The following GRIK3 variants were observed in gnomAD, a reference collection of about 807,000 sequenced individuals.
GRIK3 encodes the protein glutamate ionotropic receptor kainate type subunit 3, also known as glutamate receptor ionotropic, kainate 3.
Under a neutral mutation model 102.5 loss-of-function variants are expected in GRIK3, and 29 were observed. The ratio of observed to expected loss-of-function variants is 0.28; its 90% CI spans 0.21 to 0.39. The LOEUF is 0.39. GRIK3 is among the 10% of genes least tolerant of loss of function. The pLI is 1.00. For missense variants in GRIK3, 908 were observed against 1,252.4 expected (o/e 0.73, Z 4.15); for synonymous variants, 511 against 504.9 (o/e 1.01, Z -0.16).
At chr1:36,878,855 A>T (rs1179692500) in intron 3 of GRIK3, among the ~76,000 whole-genome samples, 1 of 152,204 alleles carries the variant, frequency 6.6e-6, no homozygotes, top group African/African-American at 2.4e-5. Context: ...GAAATGAAAT[A>T]AGATCACACT....
At chr1:37,011,598 G>T (rs566394668) in intron 1 of GRIK3, among the ~76,000 whole-genome samples, 11 of 152,336 alleles carry the variant, frequency 7.2e-5, no homozygotes, top group Middle Eastern at 3.4e-3. Context: ...CCCAACACCT[G>T]CCTTTTATTA....
chr1:36,962,640 AAGAGAGAGAG>A (rs5773557), intron 1 of GRIK3, among the ~76,000 whole-genome samples: 15,035 of 145,016 alleles, frequency 0.1, 858 homozygotes, highest in African/African-American at 0.17. Context: ...GAGGGAGAGG[AAGAGAGAGAG>A]AGAGAGAGAG....
At chr1:36,811,397 G>A (rs984015493) in intron 13 of GRIK3, among the ~76,000 whole-genome samples, 12 of 152,162 alleles carry the variant, frequency 7.9e-5, no homozygotes, top group Admixed American at 1.3e-4. Flanking sequence ...CAGCTGCTGA[G>A]AATTGCTGCA....
chr1:36,908,310 T>C (rs1380183738), intron 1 of GRIK3, among the ~76,000 whole-genome samples: 1 of 152,224 alleles, frequency 6.6e-6, no homozygotes, highest in African/African-American at 2.4e-5. Context: ...TACTTTAGTG[T>C]TGCTGGAGAT....
At chr1:36,915,979 CAGA>C (rs1314110594) in intron 1 of GRIK3, among the ~76,000 whole-genome samples, 1 of 152,204 alleles carries the variant, frequency 6.6e-6, no homozygotes, top group African/African-American at 2.4e-5. Flanking sequence ...TTGGAGGGCT[CAGA>C]AGAAGACAGG....
intron 1 of GRIK3, among the ~76,000 whole-genome samples, chr1:37,027,754 G>T (rs1172770887): frequency 1.3e-5 from 2 of 152,258 alleles, no homozygotes; most frequent in East Asian, 3.9e-4. Flanking sequence ...TGTCACCTTT[G>T]TAGTGACTTT....
rs555020898 is a variant in GRIK3 at position 37,002,641 on chromosome 1, G to A, written c.115+31353C>T. ...TATGAAATCTGCTAGCCACTGGTTAGAAAGATGTTGCATTTATTTTCTTTC... is the reference window on the plus strand; with the variant it reads ...TATGAAATCTGCTAGCCACTGGTTAAAAAGATGTTGCATTTATTTTCTTTC... On this transcript the variant is annotated intron_variant, in intron 1 of 15. Transcript: ENST00000373091. Among the ~76,000 whole-genome samples the A allele has an allele frequency of 3.8e-4, 57 of 151,252 alleles. No homozygotes were observed. The South Asian group carries it at 0.012, about 31-fold the overall frequency.
At chr1:36,834,817 G>A (rs1408498492) in intron 10 of GRIK3, among the ~76,000 whole-genome samples, 2 of 152,120 alleles carry the variant, frequency 1.3e-5, no homozygotes, top group Admixed American at 6.5e-5. Context: ...CCAGTGCTCC[G>A]GGACTCCACG....
chr1:36,996,110 G>C (rs988358624), intron 1 of GRIK3, among the ~76,000 whole-genome samples: 2 of 152,186 alleles, frequency 1.3e-5, no homozygotes, highest in African/African-American at 4.8e-5. Context: ...GTCAGGCCAA[G>C]GTCAGAGAGA....
chr1:36,880,581 G>T lies in GRIK3; in HGVS notation c.550+53C>A. On this transcript the variant is annotated intron_variant, in intron 3 of 15. Transcript: ENST00000373091. This position sits in a 1 kb window ranked among gnomAD's most constrained non-coding sequence, Gnocchi z 5.4. ...CAAACAGACAAGAGCTTGATCCTGGGCCTCTGCCCCCCTCAACCGTTGCCC... is the reference window on the plus strand; with the variant it reads ...CAAACAGACAAGAGCTTGATCCTGGTCCTCTGCCCCCCTCAACCGTTGCCC... The T allele has an allele frequency of 1.3e-6, 2 of 1,562,184 alleles. No homozygotes were observed. Among genetic ancestry groups the T allele is most frequent in the South Asian group, 2.3e-5 (2 of 88,288 alleles).
rs538707054 is a variant in GRIK3, at chr1:36,922,535, T to G, written c.116-31439A>C. On this transcript the variant is annotated intron_variant, in intron 1 of 15. Transcript: ENST00000373091. ...TCCCCTCAGGACTCGTGGTTACATATGCAGAATATCACCCTTCACTCCCCC... is the reference window on the plus strand; with the variant it reads ...TCCCCTCAGGACTCGTGGTTACATAGGCAGAATATCACCCTTCACTCCCCC... Among the ~76,000 whole-genome samples the G allele has an allele frequency of 1.5e-4, 23 of 152,328 alleles. No homozygotes were observed. The South Asian group carries it at 4.6e-3, about 30-fold the overall frequency.
At chr1:36,809,484 G>A (rs1056087876) in intron 13 of GRIK3, among the ~76,000 whole-genome samples, 3 of 151,630 alleles carry the variant, frequency 2.0e-5, no homozygotes, top group South Asian at 2.1e-4. Context: ...CACCCTCTCA[G>A]TCATCCATCC....
chr1:36,846,385 G>A (rs1020026488), intron 9 of GRIK3, among the ~76,000 whole-genome samples: 1 of 152,200 alleles, frequency 6.6e-6, no homozygotes, highest in Admixed American at 6.5e-5. Flanking sequence ...ATAGCAGGTA[G>A]GTTTGGTGGC....
chr1:36,948,372 G>A (rs753251510), intron 1 of GRIK3, among the ~76,000 whole-genome samples: 8 of 152,202 alleles, frequency 5.3e-5, no homozygotes, highest in East Asian at 3.9e-4. Flanking sequence ...CACCTCCTGT[G>A]TGCTGATCTG....
intron 4 of GRIK3, among the ~76,000 whole-genome samples, chr1:36,870,976 G>C (rs1429694612): frequency 6.6e-6 from 1 of 152,182 alleles, no homozygotes; most frequent in Non-Finnish European, 1.5e-5. Flanking sequence ...CGGGAGGCTA[G>C]GGGTTATAGG....
rs558472793 is a variant in GRIK3 at position 36,817,192 on chromosome 1, G to A, written c.1959C>T (p.Tyr653=). The part of the protein sequence containing the change: ...WFFTLIIISS[Y]TANLAAFLTV... The stretch of plus-strand genomic sequence containing the variant: ...TCAGAAAGGCAGCCAGGTTGGCCGT[G>A]TAGGAAGAGATGATGATGAGCGTGA... Residue 653 remains tyrosine, a synonymous_variant, in exon 13 of 16, where the codon TAC becomes TAT. Transcript: ENST00000373091. 2 of 1,613,864 alleles carry A rather than the reference G, an allele frequency of 1.2e-6. No individual in the cohort carries two copies. Among genetic ancestry groups the A allele is most frequent in the South Asian group, 1.1e-5 (1 of 91,072 alleles).
chr1:36,829,405 T>A (rs1642790780), intron 10 of GRIK3, among the ~76,000 whole-genome samples: 1 of 151,674 alleles, frequency 6.6e-6, no homozygotes, highest in African/African-American at 2.4e-5. Flanking sequence ...TTTTATTGTT[T>A]TTTGTTTTTT....
intron 10 of GRIK3, among the ~76,000 whole-genome samples, chr1:36,834,149 G>T (rs1640345214): frequency 6.6e-6 from 1 of 152,204 alleles, no homozygotes; most frequent in African/African-American, 2.4e-5. Flanking sequence ...TGAGGATCAG[G>T]GAAGGGATCC....
chr1:36,829,636 A>C (rs1157145439), intron 10 of GRIK3, among the ~76,000 whole-genome samples: 1 of 152,000 alleles, frequency 6.6e-6, no homozygotes, highest in Non-Finnish European at 1.5e-5. Context: ...ACATTACTTC[A>C]TCCCCATAAG....
Sources: allele counts gnomAD v4.1 joint callset (sites outside exome capture counted in the v4.1 genomes callset), GRCh38; gene constraint gnomAD v4.1.1; non-coding constraint Gnocchi (gnomAD v3.1); transcripts MANE v1.5; gene names NCBI Gene and HGNC (gene_info 2026-07-23, HGNC 2026-07-21).